CHST9: variants seen among roughly 807,000 people sequenced by gnomAD.
CHST9 encodes the protein carbohydrate sulfotransferase 9, also known as GalNAc-4-sulfotransferase 2.
Under a neutral mutation model 44.4 loss-of-function variants are expected in CHST9, and 41 were observed. That is an observed-to-expected ratio of 0.92 (90% CI 0.72 to 1.20). CHST9 has a LOEUF of 1.20. Ranked by LOEUF, CHST9 falls within the 50% of genes most tolerant of loss-of-function variation. The probability of loss-of-function intolerance (pLI) is 0.00; values close to 1 mark genes in which losing one functional copy is unlikely to be tolerated. For synonymous variants in CHST9, 171 were observed against 178.4 expected, an observed-to-expected ratio of 0.96 and a Z score of 0.33; for missense variants, 504 against 516.5, an observed-to-expected ratio of 0.98 and a Z score of 0.23.
rs570168612 is a variant in CHST9, at chr18:26,938,835, T to C, written c.240+5494A>G. Among the ~76,000 whole-genome samples the C allele has an allele frequency of 1.1e-4, 16 of 152,322 alleles. 1 individual carries two copies. Among genetic ancestry groups the C allele is most frequent in the African/African-American group, 3.4e-4 (14 of 41,568 alleles). ...GCAGTCTTGGCTTGTTCCTTCTGTT[T>C]TTGGTTTAGAATCCTTACCTGGGAG... On this transcript the variant is annotated intron_variant, in intron 5 of 5. Coordinates refer to ENST00000618847, the MANE Select transcript of CHST9 (RefSeq NM_031422.6).
chr18:27,047,963 G>A (rs2057524581), intron 3 of CHST9, among the ~76,000 whole-genome samples: 1 of 152,150 alleles, frequency 6.6e-6, no homozygotes, highest in African/African-American at 2.4e-5. Context: ...ATGTGCAATG[G>A]CATTCTGCCA....
chr18:27,025,997 G>C (rs1297115035), intron 3 of CHST9, among the ~76,000 whole-genome samples: 1 of 152,128 alleles, frequency 6.6e-6, no homozygotes, highest in Admixed American at 6.6e-5. Flanking sequence ...ACAATATTCT[G>C]GTAAGTTGCT....
chr18:27,002,072 G>C (rs957702813), intron 4 of CHST9, among the ~76,000 whole-genome samples: 1 of 151,984 alleles, frequency 6.6e-6, no homozygotes, highest in African/African-American at 2.4e-5. Context: ...CATCCTTTGG[G>C]TGGATGAATG....
chr18:26,940,715 T>C (rs1568101143), intron 5 of CHST9, among the ~76,000 whole-genome samples: 1 of 152,130 alleles, frequency 6.6e-6, no homozygotes, highest in Admixed American at 6.5e-5. Context: ...GACTCTGAGG[T>C]TTCCGGCTTG....
intron 3 of CHST9, among the ~76,000 whole-genome samples, chr18:27,047,721 T>TG (rs1283253162): frequency 6.6e-6 from 1 of 152,066 alleles, no homozygotes; most frequent in Non-Finnish European, 1.5e-5. Context: ...AATAGTGGGT[T>TG]GGTAGAAACT....
chr18:27,036,081 GCCAAATTCAAAAGTA>G (rs1220130394), intron 3 of CHST9, among the ~76,000 whole-genome samples: 11 of 152,132 alleles, frequency 7.2e-5, no homozygotes, highest in African/African-American at 2.7e-4. Flanking sequence ...ATATTCATGT[GCCAAATTCAAAAGTA>G]CACACCCTTT....
intron 4 of CHST9, among the ~76,000 whole-genome samples, chr18:26,959,234 A>C (rs2056368748): frequency 6.6e-6 from 1 of 152,188 alleles, no homozygotes; most frequent in South Asian, 2.1e-4. Context: ...CAAATTCTAC[A>C]TGTTCTCACT....
chr18:26,960,576 T>C (rs2056386435), intron 4 of CHST9, among the ~76,000 whole-genome samples: 2 of 152,254 alleles, frequency 1.3e-5, no homozygotes, highest in African/African-American at 4.8e-5. Context: ...CAGAATTGTT[T>C]ATGCCTAGCA....
rs1175978085 is a variant in CHST9, at chr18:26,916,770, G to C, written c.821C>G (p.Thr274Ser). 3 of 1,613,856 alleles carry C rather than the reference G, an allele frequency of 1.9e-6. No homozygotes were observed. The highest frequency in any genetic ancestry group is 2.5e-6 in the Non-Finnish European group (3 of 1,179,830). Reference protein sequence around the residue: ...KGIYTRLNTYTKAVFVRDPME... With the variant: ...KGIYTRLNTYSKAVFVRDPME... ...GGGATCACGAACAAACACAGCTTTG[G>C]TGTAAGTATTTAAGCGGGTATATAT... The change falls in exon 6 of 6, where the codon ACC (threonine) becomes AGC (serine). Residue 274 changes from threonine to serine, a missense_variant. Thr to Ser is a moderately conservative substitution (Grantham distance 58). Transcript: ENST00000618847.
At chr18:27,098,763 C>A (rs2058142476) in intron 2 of CHST9, among the ~76,000 whole-genome samples, 2 of 151,594 alleles carry the variant, frequency 1.3e-5, no homozygotes, top group African/African-American at 4.8e-5. Context: ...GCTGTACTTC[C>A]CAAAGCAAAC....
chr18:27,165,263 A>C (rs1305509035), intron 1 of CHST9, among the ~76,000 whole-genome samples: 1 of 152,232 alleles, frequency 6.6e-6, no homozygotes. Flanking sequence ...AGCAAATGAA[A>C]GAGTAAGATG....
intron 4 of CHST9, among the ~76,000 whole-genome samples, chr18:27,005,947 G>T (rs1273680009): frequency 6.6e-6 from 1 of 152,192 alleles, no homozygotes; most frequent in Non-Finnish European, 1.5e-5. Context: ...TTTTGAATGA[G>T]AATCTAGGTC....
rs766261374 is a variant in CHST9, at chr18:27,024,159, T to A, written c.161-2A>T. 1 of 1,609,018 alleles carries A rather than the reference T, an allele frequency of 6.2e-7. No homozygotes were observed. The highest frequency in any genetic ancestry group is 1.7e-5 in the Admixed American group (1 of 58,950). Reference sequence around the variant, plus strand: ...GCAAGTACTTCACTGGTCCCCATCCTGAAAAAGAAGAGGAAAGAAATTCAT... The same window carrying A: ...GCAAGTACTTCACTGGTCCCCATCCAGAAAAAGAAGAGGAAAGAAATTCAT... On this transcript the variant is annotated splice_acceptor_variant, in intron 3 of 5. Transcript: ENST00000618847. LOFTEE classifies it high-confidence loss of function.
chr18:26,968,881 T>C (rs2056500527), intron 4 of CHST9, among the ~76,000 whole-genome samples: 1 of 152,208 alleles, frequency 6.6e-6, no homozygotes, highest in South Asian at 2.1e-4. Context: ...AAATGTTGAT[T>C]GAAACATCTA....
chr18:27,140,610 A>T (rs971576948), intron 2 of CHST9, among the ~76,000 whole-genome samples: 3 of 152,174 alleles, frequency 2.0e-5, no homozygotes, highest in Non-Finnish European at 4.4e-5. Context: ...AAATAATGAG[A>T]TCTTTTTCTT....
chr18:27,088,762 A>C (rs2058037772), intron 2 of CHST9, among the ~76,000 whole-genome samples: 1 of 152,128 alleles, frequency 6.6e-6, no homozygotes. Flanking sequence ...TATCTACTCA[A>C]GCTGCTAGTA....
chr18:27,014,157 C>G (rs1487326247), intron 4 of CHST9, among the ~76,000 whole-genome samples: 1 of 152,112 alleles, frequency 6.6e-6, no homozygotes, highest in African/African-American at 2.4e-5. Flanking sequence ...TGGCATTACT[C>G]ATAATCGAAA....
chr18:27,132,269 T>G (rs990692618), intron 2 of CHST9, among the ~76,000 whole-genome samples: 4 of 152,248 alleles, frequency 2.6e-5, no homozygotes, highest in African/African-American at 9.6e-5. Flanking sequence ...TTGACTTTTC[T>G]TCACAACATG....
intron 2 of CHST9, among the ~76,000 whole-genome samples, chr18:27,099,187 C>T (rs1375468592): frequency 6.6e-6 from 1 of 152,074 alleles, no homozygotes; most frequent in Non-Finnish European, 1.5e-5. Context: ...CAAAAATTAA[C>T]TCAAGATGGA....
Sources: gnomAD v4.1 joint callset for allele counts (sites outside exome capture counted in the v4.1 genomes callset) on GRCh38, gnomAD v4.1.1 for gene constraint, MANE v1.5 for transcripts, NCBI Gene and HGNC (gene_info 2026-07-23, HGNC 2026-07-21) for gene names.